The following PTPRM variants were observed in gnomAD, a reference collection of about 807,000 sequenced individuals.
PTPRM encodes the protein protein tyrosine phosphatase receptor type M.
Under a neutral mutation model 186.7 loss-of-function variants are expected in PTPRM, and 47 were observed. That is an observed-to-expected ratio of 0.25 (90% confidence interval 0.20 to 0.32). The LOEUF is 0.32. PTPRM is among the 10% of genes least tolerant of loss of function. The pLI is 1.00. For synonymous variants in PTPRM, 668 were observed against 674.9 expected, an observed-to-expected ratio of 0.99 and a Z score of 0.16; for missense variants, 1,494 against 1,865.0, an observed-to-expected ratio of 0.80 and a Z score of 3.66.
chr18:8,140,016 T>C (rs16952937), intron 13 of PTPRM, among the ~76,000 whole-genome samples: 4,803 of 152,312 alleles, frequency 0.032, 251 homozygotes, highest in African/African-American at 0.11. Flanking sequence ...TTGCTGGATT[T>C]TTTTCCTCCA....
intron 5 of PTPRM, among the ~76,000 whole-genome samples, 178 bp downstream of exon 5, chr18:7,926,861 T>C (rs2051201333): frequency 6.6e-6 from 1 of 152,194 alleles, no homozygotes; most frequent in Non-Finnish European, 1.5e-5. Flanking sequence ...TAAACACCTT[T>C]TGTGAATTTC....
intron 5 of PTPRM, chr18:7,946,790 G>T (rs1051368450): frequency 5.4e-6 from 2 of 371,982 alleles, no homozygotes; most frequent in African/African-American, 4.3e-5. Context: ...TAAAGATAAT[G>T]TTGATGGAAC....
intron 7 of PTPRM, among the ~76,000 whole-genome samples, chr18:7,976,174 A>G (rs941619207): frequency 6.6e-6 from 1 of 152,186 alleles, no homozygotes; most frequent in Non-Finnish European, 1.5e-5. Flanking sequence ...TCTCAAAAAA[A>G]TAAAAAATAA....
chr18:7,611,145 A>G (rs890019708), intron 1 of PTPRM, among the ~76,000 whole-genome samples: 3 of 152,230 alleles, frequency 2.0e-5, no homozygotes, highest in East Asian at 1.9e-4. Flanking sequence ...AAGCTGTACA[A>G]TGTGTTTGTA....
At chr18:7,788,138 A>G (rs2145171877) in intron 2 of PTPRM, among the ~76,000 whole-genome samples, 1 of 152,346 alleles carries the variant, frequency 6.6e-6, no homozygotes, top group East Asian at 1.9e-4. Context: ...AGGAAAAGAA[A>G]GAAGGGAAAA....
chr18:8,187,252 T>C (rs112344522), intron 14 of PTPRM, among the ~76,000 whole-genome samples: 118 of 152,196 alleles, frequency 7.8e-4, no homozygotes, highest in African/African-American at 2.7e-3. Flanking sequence ...AGGATTTGTG[T>C]GATAGCTACA....
chr18:7,686,368 G>A (rs989426109), intron 1 of PTPRM, among the ~76,000 whole-genome samples: 2 of 152,242 alleles, frequency 1.3e-5, no homozygotes, highest in African/African-American at 2.4e-5. Flanking sequence ...GCATTGAGTG[G>A]TAATTTAAAA....
chr18:8,019,739 T>C (rs1600102663), intron 7 of PTPRM, among the ~76,000 whole-genome samples: 1 of 148,758 alleles, frequency 6.7e-6, no homozygotes, highest in South Asian at 2.1e-4. Context: ...AACATAAATA[T>C]ATAATTTATA....
intron 14 of PTPRM, among the ~76,000 whole-genome samples, chr18:8,161,852 T>C (rs1409849274): frequency 1.3e-5 from 2 of 152,140 alleles, no homozygotes; most frequent in Admixed American, 6.5e-5. Flanking sequence ...TGGTTCTTGC[T>C]CAGAAATCCA....
rs555405897 is a variant in PTPRM at position 7,584,831 on chromosome 18, G to A, written c.73+16940G>A. ...TGGACGAGGTATCTGTGCCTTCTGT[G>A]GGTGAGTACCCATTTATAAGTCCTG... On this transcript the variant is annotated intron_variant, in intron 1 of 32. Coordinates refer to ENST00000580170, the MANE Select transcript of PTPRM (RefSeq NM_001105244.2). Among the ~76,000 whole-genome samples the A allele has an allele frequency of 2.6e-5, 4 of 152,342 alleles. No homozygotes were observed. The South Asian group carries it at 8.3e-4, about 32-fold the overall frequency.
In PTPRM at chr18:7,823,956, C is replaced by A. The variant is rs1371379537; in HGVS notation, c.196+49685C>A. Among the ~76,000 whole-genome samples the A allele has an allele frequency of 5.9e-5, 9 of 152,142 alleles. No homozygotes were observed. The East Asian group carries it at 1.7e-3, about 29-fold the overall frequency. On this transcript the variant is annotated intron_variant, in intron 2 of 32. Transcript: ENST00000580170. ...CTAATATACTTGGACAAAAGGGGCC[C>A]CAAGCCCCAACCTGCTCACTGGATG...
intron 14 of PTPRM, among the ~76,000 whole-genome samples, chr18:8,179,496 C>T (rs1336392824): frequency 2.8e-5 from 4 of 143,946 alleles, no homozygotes; most frequent in African/African-American, 7.8e-5. Flanking sequence ...TTTTAGATGG[C>T]GCCTTGCTCT....
intron 1 of PTPRM, among the ~76,000 whole-genome samples, chr18:7,705,066 T>C (rs2040047965): frequency 6.6e-6 from 1 of 152,070 alleles, no homozygotes; most frequent in South Asian, 2.1e-4. Context: ...ATGTGAAACA[T>C]AGGGGGATGG....
intron 21 of PTPRM, among the ~76,000 whole-genome samples, chr18:8,318,711 A>G (rs2095326888): frequency 6.6e-6 from 1 of 152,246 alleles, no homozygotes; most frequent in Non-Finnish European, 1.5e-5. Context: ...CTACAGTAGC[A>G]TGTCATGGTA....
intron 19 of PTPRM, among the ~76,000 whole-genome samples, chr18:8,295,052 G>A (rs773139114): frequency 1.2e-4 from 18 of 152,162 alleles, no homozygotes; most frequent in Non-Finnish European, 2.2e-4. Flanking sequence ...CATAAATGAT[G>A]AACACATAGC....
intron 7 of PTPRM, among the ~76,000 whole-genome samples, chr18:8,042,648 G>A (rs889215641): frequency 1.3e-5 from 2 of 151,974 alleles, no homozygotes; most frequent in Non-Finnish European, 2.9e-5. Context: ...CAGATCTAGT[G>A]TAAGTGACAT....
intron 13 of PTPRM, among the ~76,000 whole-genome samples, chr18:8,119,332 A>C (rs546296949): frequency 8.5e-5 from 13 of 152,182 alleles, no homozygotes; most frequent in Non-Finnish European, 1.2e-4. Context: ...TCAATGAAAT[A>C]CCATCCTTTG....
chr18:7,785,611 G>A (rs550158309), intron 2 of PTPRM, among the ~76,000 whole-genome samples: 2 of 152,306 alleles, frequency 1.3e-5, no homozygotes, highest in South Asian at 4.1e-4. Flanking sequence ...CACCGACTTC[G>A]TGTCATGCCA....
At chr18:8,215,581 C>T (rs545508311) in intron 14 of PTPRM, among the ~76,000 whole-genome samples, 7 of 132,462 alleles carry the variant, frequency 5.3e-5, no homozygotes, top group Middle Eastern at 4.9e-3. Flanking sequence ...CAAGATCTGT[C>T]GCCCAGGCCG....
Sources: gnomAD v4.1 joint callset for allele counts (sites outside exome capture counted in the v4.1 genomes callset) on GRCh38, gnomAD v4.1.1 for gene constraint, MANE v1.5 for transcripts, NCBI Gene and HGNC (gene_info 2026-07-23, HGNC 2026-07-21) for gene names.